The following TNIP3 variants were observed in gnomAD, a reference collection of about 807,000 sequenced individuals.
TNIP3 encodes TNFAIP3 interacting protein 3, also known as TNFAIP3-interacting protein 3.
A neutral mutation model predicts 54.1 loss-of-function variants in TNIP3; 34 were observed. That is an observed-to-expected ratio of 0.63 (90% CI 0.48 to 0.84). TNIP3 has a LOEUF of 0.84. TNIP3 is among the 40% of genes least tolerant of loss of function. The pLI is 0.00. For missense variants in TNIP3, 366 were observed against 387.6 expected (o/e 0.94, Z 0.47); for synonymous variants, 134 against 136.8 (o/e 0.98, Z 0.14).
At chr4:121,180,192 A>C (rs972834508) in intron 3 of TNIP3, among the ~76,000 whole-genome samples, 1 of 152,142 alleles carries the variant, frequency 6.6e-6, no homozygotes, top group Non-Finnish European at 1.5e-5. Context: ...AGAGGTCAGG[A>C]GATCGAGACC....
Position 121,132,639 on chromosome 4 carries a change from G to A in TNIP3, c.970C>T (p.His324Tyr). The stretch of plus-strand genomic sequence containing the variant: ...TCTGTTAGTGTGTACTTCTACGGAT[G>A]GACTTTCTTTACTGAGGATAAACCT... Reference protein sequence around the residue: ...ANGLSSVKKVHP With the variant: ...ANGLSSVKKVYP The change falls in exon 11 of 11, where the codon CAT (histidine) becomes TAT (tyrosine). Residue 324 changes from histidine (H) to tyrosine (Y), a missense_variant. His to Tyr is a moderately conservative substitution (Grantham distance 83). Transcript: ENST00000057513. 1 of 1,612,924 alleles carries A rather than the reference G, an allele frequency of 6.2e-7. No homozygotes were observed. The highest frequency in any genetic ancestry group is 8.5e-7 in the Non-Finnish European group (1 of 1,179,162).
chr4:121,141,043 T>C (rs1729088618), intron 9 of TNIP3, among the ~76,000 whole-genome samples: 1 of 152,240 alleles, frequency 6.6e-6, no homozygotes, highest in African/African-American at 2.4e-5. Context: ...TTAAAAATCT[T>C]AGATTTTTTC....
At chr4:121,198,755 T>A (rs1725729647) in intron 2 of TNIP3, among the ~76,000 whole-genome samples, 2 of 152,172 alleles carry the variant, frequency 1.3e-5, no homozygotes, top group African/African-American at 4.8e-5. Context: ...TAAAAGTTGG[T>A]TTATGTGTCT....
Position 121,181,650 on chromosome 4 carries a change from T to A in TNIP3, c.189+1026A>T, listed in dbSNP as rs1211920953. ...GTGTGTGTGTGTGTGTGTGTGTGTG[T>A]GTGTGTAAAACACAGAGGTATCCCA... On this transcript the variant is annotated intron_variant, in intron 3 of 12. Transcript: ENST00000507879. Among the ~76,000 whole-genome samples, 4 of 145,778 alleles carry A rather than the reference T, an allele frequency of 2.7e-5. No individual in the cohort carries two copies. In the East Asian group the frequency reaches 7.7e-4, roughly 28 times the overall value.
chr4:121,178,418 AAAG>A (rs767081876), intron 3 of TNIP3, among the ~76,000 whole-genome samples: 7 of 152,240 alleles, frequency 4.6e-5, no homozygotes, highest in Non-Finnish European at 1.0e-4. Context: ...TAAAGTTGGA[AAAG>A]AAGAAGTCTC....
chr4:121,168,521 C>CTTTTCT (rs1730894508), upstream of TNIP3, among the ~76,000 whole-genome samples: 1 of 132,352 alleles, frequency 7.6e-6, no homozygotes, highest in African/African-American at 2.7e-5. Context: ...CTTTTCTTTG[C>CTTTTCT]TTTTTTTTTT....
At chr4:121,221,617 G>A (rs1026933245), upstream of TNIP3, among the ~76,000 whole-genome samples, 2 of 152,146 alleles carry the variant, frequency 1.3e-5, no homozygotes, top group South Asian at 2.1e-4. Context: ...TTACAGTGTG[G>A]AAGAAATTGG....
chr4:121,195,912 T>C (rs1025365309), intron 2 of TNIP3, among the ~76,000 whole-genome samples: 3 of 152,206 alleles, frequency 2.0e-5, no homozygotes, highest in African/African-American at 7.2e-5. Flanking sequence ...AGCATTCTGC[T>C]AAATAAATGA....
intron 1 of TNIP3, among the ~76,000 whole-genome samples, chr4:121,223,661 G>A (rs1727137210): frequency 6.6e-6 from 1 of 152,198 alleles, no homozygotes; most frequent in South Asian, 2.1e-4. Context: ...ATAGCTTTAT[G>A]AGATTCAGAG....
At chr4:121,180,134 C>T (rs1426887642) in intron 3 of TNIP3, among the ~76,000 whole-genome samples, 1 of 152,136 alleles carries the variant, frequency 6.6e-6, no homozygotes, top group Non-Finnish European at 1.5e-5. Flanking sequence ...GGCGCGGTGG[C>T]TCACGCCTGT....
intron 3 of TNIP3, among the ~76,000 whole-genome samples, chr4:121,176,452 C>G (rs1724345958): frequency 6.6e-6 from 1 of 151,730 alleles, no homozygotes; most frequent in Non-Finnish European, 1.5e-5. Flanking sequence ...AAGAGGAAGT[C>G]AGTTATTGTA....
intron 2 of TNIP3, among the ~76,000 whole-genome samples, chr4:121,183,046 T>C (rs1724805072): frequency 6.6e-6 from 1 of 152,214 alleles, no homozygotes; most frequent in South Asian, 2.1e-4. Context: ...CTGAGAACAA[T>C]GGCAAGAATT....
At chr4:121,150,385 A>AT (rs200857550) in intron 5 of TNIP3, among the ~76,000 whole-genome samples, 166 bp from the exon 6 acceptor site, 3,007 of 149,660 alleles carry the variant, frequency 0.02, 56 homozygotes, top group Admixed American at 0.031. Context: ...TCATATATGT[A>AT]TTTTTTTTTT....
intron 2 of TNIP3, among the ~76,000 whole-genome samples, chr4:121,208,012 G>A (rs564690124): frequency 3.3e-5 from 5 of 152,178 alleles, no homozygotes; most frequent in South Asian, 4.2e-4. Context: ...AGGGGTTTCC[G>A]CTTTTGCATC....
Position 121,132,588 on chromosome 4 carries a change from C to T in TNIP3, c.*43G>A, listed in dbSNP as rs368073389. 5.2e-5 allele frequency: 83 copies of T among 1,596,798 alleles called. No homozygotes were observed. The highest frequency in any genetic ancestry group is 5.5e-5 in the South Asian group (5 of 90,476). On this transcript the variant is annotated 3_prime_UTR_variant, in exon 11 of 11. Coordinates refer to ENST00000057513, the MANE Select transcript of TNIP3 (RefSeq NM_024873.6). Reference sequence around the variant, plus strand: ...AAACAAAGAAGAGGGTCCTCAGCCACGCTCCCTCGTTGCCTGTTGTCTCTC... The same window carrying T: ...AAACAAAGAAGAGGGTCCTCAGCCATGCTCCCTCGTTGCCTGTTGTCTCTC...
intron 10 of TNIP3, among the ~76,000 whole-genome samples, chr4:121,135,828 C>T (rs1286312313): frequency 6.6e-6 from 1 of 152,220 alleles, no homozygotes; most frequent in Non-Finnish European, 1.5e-5. Flanking sequence ...AGAACCACTA[C>T]TGAAATTAAA....
intron 2 of TNIP3, among the ~76,000 whole-genome samples, chr4:121,186,652 G>A (rs994248112): frequency 6.6e-6 from 1 of 152,192 alleles, no homozygotes. Context: ...GCTTAGCACA[G>A]TGCCAGGCAT....
intron 10 of TNIP3, chr4:121,138,163 C>T (rs1248909007): frequency 2.8e-6 from 1 of 354,286 alleles, no homozygotes; most frequent in South Asian, 2.3e-5. Flanking sequence ...AACTAAGAGC[C>T]CTGCCTTGGA....
intron 3 of TNIP3, among the ~76,000 whole-genome samples, chr4:121,172,556 C>G (rs554719871): frequency 6.6e-6 from 1 of 152,318 alleles, no homozygotes; most frequent in South Asian, 2.1e-4. Flanking sequence ...AATATCCAGT[C>G]AAATTTGAAT....
Sources: allele counts gnomAD v4.1 joint callset (sites outside exome capture counted in the v4.1 genomes callset), GRCh38; gene constraint gnomAD v4.1.1; transcripts MANE v1.5; gene names NCBI Gene and HGNC (gene_info 2026-07-23, HGNC 2026-07-21).